SLC17A1: variants seen among roughly 807,000 people sequenced by gnomAD.
SLC17A1 encodes the protein sodium-dependent phosphate transport protein 1.
In SLC17A1, 51 loss-of-function variants were observed where a neutral mutation model predicts 53.5. The observed-to-expected ratio is 0.95, with a 90% CI of 0.76 to 1.20. SLC17A1 has a LOEUF of 1.20. SLC17A1 is among the 50% of genes most tolerant of loss of function. The pLI is 0.00. For missense variants in SLC17A1, 538 were observed against 568.2 expected (o/e 0.95, Z 0.54); for synonymous variants, 179 against 198.8 (o/e 0.90, Z 0.84).
intron 6 of SLC17A1, among the ~76,000 whole-genome samples, chr6:25,815,996 C>A (rs976120933): frequency 2.6e-5 from 4 of 151,346 alleles, no homozygotes; most frequent in Non-Finnish European, 5.9e-5. Flanking sequence ...CTTCCCCAAG[C>A]TAGCTTTGGA....
chr6:25,773,632 A>G, the SLC17A1 span: 1 of 1,613,846 alleles, frequency 6.2e-7, no homozygotes, highest in Non-Finnish European at 8.5e-7. Context: ...TGGCGTACAC[A>G]CCAACGTACA....
chr6:25,735,175 G>C, the SLC17A1 span, among the ~76,000 whole-genome samples: 2 of 152,276 alleles, frequency 1.3e-5, no homozygotes, highest in African/African-American at 4.8e-5. Flanking sequence ...AACATTTTTG[G>C]TGAGTGTTGG....
At chr6:25,827,184 A>G (rs539369378) in intron 2 of SLC17A1, among the ~76,000 whole-genome samples, 1 of 152,260 alleles carries the variant, frequency 6.6e-6, no homozygotes, top group African/African-American at 2.4e-5. Context: ...TTAACTTTTT[A>G]AAAATAAATG....
the SLC17A1 span, among the ~76,000 whole-genome samples, chr6:25,740,256 G>C: frequency 6.6e-6 from 1 of 152,056 alleles, no homozygotes; most frequent in Non-Finnish European, 1.5e-5. Flanking sequence ...TGACATAAGG[G>C]AAGACAATGA....
chr6:25,784,841 A>G (rs1167190817), intron 12 of SLC17A1, among the ~76,000 whole-genome samples: 1 of 152,176 alleles, frequency 6.6e-6, no homozygotes, highest in Non-Finnish European at 1.5e-5. Context: ...TTTTCTCTCT[A>G]AGATCACGAA....
At chr6:25,752,088 GTAT>G in the SLC17A1 span, among the ~76,000 whole-genome samples, 2 of 152,186 alleles carry the variant, frequency 1.3e-5, no homozygotes, top group Non-Finnish European at 2.9e-5. Context: ...AGCATGTGCT[GTAT>G]ATTTGCTATA....
the SLC17A1 span, chr6:25,726,694 C>G: frequency 9.3e-7 from 1 of 1,074,684 alleles, no homozygotes; most frequent in Non-Finnish European, 1.3e-6. Flanking sequence ...CGCCACTTCC[C>G]ATTGTCCAAT....
chr6:25,784,614 A>G (rs1763340620), intron 12 of SLC17A1, among the ~76,000 whole-genome samples: 1 of 152,180 alleles, frequency 6.6e-6, no homozygotes, highest in East Asian at 1.9e-4. Context: ...AACACCTCGT[A>G]CTACGCCCCA....
chr6:25,768,686 C>T, the SLC17A1 span, among the ~76,000 whole-genome samples: 45,320 of 151,994 alleles, frequency 0.3, 7,733 homozygotes, highest in East Asian at 0.74. Flanking sequence ...TCTAAATCCA[C>T]TTCTTCCCAT....
intron 12 of SLC17A1, among the ~76,000 whole-genome samples, chr6:25,789,589 C>T (rs773543918): frequency 1.2e-4 from 19 of 152,060 alleles, no homozygotes; most frequent in Non-Finnish European, 2.6e-4. Flanking sequence ...CATATGACTC[C>T]GGTATAATGA....
the SLC17A1 span, among the ~76,000 whole-genome samples, chr6:25,745,815 T>C: frequency 6.6e-6 from 1 of 152,182 alleles, no homozygotes; most frequent in Non-Finnish European, 1.5e-5. Context: ...ACCAAACCCA[T>C]GTGGGCATCA....
intron 2 of SLC17A1, among the ~76,000 whole-genome samples, chr6:25,828,332 G>T (rs1302397727): frequency 6.6e-6 from 1 of 152,096 alleles, no homozygotes; most frequent in African/African-American, 2.4e-5. Context: ...TAAAACAGGG[G>T]CCAGGGAGCT....
At chr6:25,727,349 A>T in the SLC17A1 span, 1 of 1,443,506 alleles carries the variant, frequency 6.9e-7, no homozygotes, top group Non-Finnish European at 9.3e-7. Flanking sequence ...CCACTTAAAC[A>T]TACTGAAACA....
At chr6:25,806,154 A>G (rs1188139449) in intron 10 of SLC17A1, among the ~76,000 whole-genome samples, 1 of 152,122 alleles carries the variant, frequency 6.6e-6, no homozygotes, top group African/African-American at 2.4e-5. Context: ...CAAATCCAGC[A>G]GTGCATCAAA....
At chr6:25,826,690 T>C in intron 2 of SLC17A1, 57 bp from the exon 3 acceptor site, 1 of 1,342,770 alleles carries the variant, frequency 7.4e-7, no homozygotes, top group Non-Finnish European at 9.9e-7. Flanking sequence ...AAAACATACT[T>C]TAACTATAGG....
intron 1 of SLC17A1, among the ~76,000 whole-genome samples, chr6:25,831,195 T>C (rs1262147487): frequency 6.6e-6 from 1 of 152,138 alleles, no homozygotes; most frequent in African/African-American, 2.4e-5. Context: ...GATGCAAAGC[T>C]TTATGGCAGG....
At chr6:25,769,047 A>T in the SLC17A1 span, 1 of 1,614,078 alleles carries the variant, frequency 6.2e-7, no homozygotes, top group Non-Finnish European at 8.5e-7. Flanking sequence ...TTCAATTTAC[A>T]CCCAACAAAT....
At chr6:25,773,134 G>T in the SLC17A1 span, 15 of 723,172 alleles carry the variant, frequency 2.1e-5, no homozygotes, top group East Asian at 3.7e-4. Context: ...CCTCCCCCAT[G>T]ATAGGGCCAT....
At chr6:25,777,314 G>A in the SLC17A1 span, 11 of 209,878 alleles carry the variant, frequency 5.2e-5, no homozygotes, top group Non-Finnish European at 8.5e-5. Flanking sequence ...TTTAATGAAG[G>A]CAAAGGACAC....
Sources: gnomAD v4.1 joint callset for allele counts (sites outside exome capture counted in the v4.1 genomes callset) on GRCh38, gnomAD v4.1.1 for gene constraint, MANE v1.5 for transcripts, NCBI Gene and HGNC (gene_info 2026-07-23, HGNC 2026-07-21) for gene names.